Variants in PCDHGA5 observed in about 807,000 individuals in gnomAD.
PCDHGA5 encodes the protein protocadherin gamma-A5.
Under a neutral mutation model 56.7 loss-of-function variants are expected in PCDHGA5, and 36 were observed. That is an observed-to-expected ratio of 0.64 (90% CI 0.49 to 0.84). The LOEUF (loss-of-function observed/expected upper bound fraction) is 0.84, where lower values mean the gene tolerates loss of function less well. Among genes scored for constraint, PCDHGA5 ranks in the 40% least tolerant of loss-of-function variants. The pLI is 0.00. For synonymous variants in PCDHGA5, 563 were observed against 520.2 expected, an observed-to-expected ratio of 1.08 and a Z score of -1.12; for missense variants, 1,305 against 1,201.5, an observed-to-expected ratio of 1.09 and a Z score of -1.27.
intron 1 of PCDHGA5, among the ~76,000 whole-genome samples, chr5:141,405,709 C>T (rs2094708572): frequency 2.0e-5 from 3 of 152,150 alleles, no homozygotes; most frequent in African/African-American, 7.2e-5. Context: ...AATTCCTAAC[C>T]TCAAGTGATC....
chr5:141,430,399 T>C (rs2097282187), intron 1 of PCDHGA5, among the ~76,000 whole-genome samples: 1 of 150,106 alleles, frequency 6.7e-6, no homozygotes, highest in African/African-American at 2.4e-5. Flanking sequence ...AAAAAAAAGC[T>C]CACTAAAGTT....
intron 1 of PCDHGA5, among the ~76,000 whole-genome samples, chr5:141,450,487 G>A (rs1379694010): frequency 1.3e-5 from 2 of 151,938 alleles, no homozygotes; most frequent in African/African-American, 2.4e-5. Context: ...TTGTTTGTTT[G>A]TCTGTTTGTT....
At chr5:141,461,979 A>C (rs1420971777) in intron 1 of PCDHGA5, among the ~76,000 whole-genome samples, 1 of 152,144 alleles carries the variant, frequency 6.6e-6, no homozygotes, top group Non-Finnish European at 1.5e-5. Context: ...ATATGCCACC[A>C]CGCCAGGCTA....
At chr5:141,377,889 C>A (rs914946378) in intron 1 of PCDHGA5, 2 of 152,056 alleles carry the variant, frequency 1.3e-5, no homozygotes, top group Non-Finnish European at 2.9e-5. Flanking sequence ...AGATAGGATC[C>A]CCCTCTGTTG....
rs762574320 is a variant in PCDHGA5, at chr5:141,485,926, G to A, written c.2422-8881G>A. The A allele has an allele frequency of 2.0e-5, 32 of 1,614,090 alleles. No individual in the cohort carries two copies. Among genetic ancestry groups the A allele is most frequent in the Admixed American group, 1.2e-4 (7 of 60,006 alleles). ...AGCAATCCAGCTACAGGATTAGTGT[G>A]TTGGAGAGCGCACCAGCGGGCATGG... On this transcript the variant is annotated intron_variant, in intron 1 of 3. Transcript: ENST00000518069. The surrounding 1 kb of genome is among the most constrained non-coding windows in gnomAD (Gnocchi z 5.7).
chr5:141,489,991 A>G lies in PCDHGA5; in HGVS notation c.2422-4816A>G, dbSNP rs1157441385. On this transcript the variant is annotated intron_variant, in intron 1 of 3. Coordinates refer to ENST00000518069, the MANE Select transcript of PCDHGA5 (RefSeq NM_018918.3). The surrounding 1 kb of genome is among the most constrained non-coding windows in gnomAD (Gnocchi z 4.5). Reference sequence around the variant, plus strand: ...CCAATCCTCAGTTCTACGTGTGGGAATCCCAGAGAATGCACCCATTGGTAC... The same window carrying G: ...CCAATCCTCAGTTCTACGTGTGGGAGTCCCAGAGAATGCACCCATTGGTAC... The G allele has an allele frequency of 6.2e-7, 1 of 1,614,228 alleles. No individual in the cohort carries two copies. Among genetic ancestry groups the G allele is most frequent in the South Asian group, 1.1e-5 (1 of 91,090 alleles).
At position 141,493,906 on chromosome 5, in the gene PCDHGA5, G is replaced by A. The variant is rs2099750764; in HGVS notation, c.2422-901G>A. ...CTCTAGGAGTGCTCCATGAGAGTGT[G>A]TGATGGGATAACACACCCCCTGGAA... is the stretch of plus-strand genomic sequence containing the variant. On this transcript the variant is annotated intron_variant, in intron 1 of 3. Transcript: ENST00000518069. The surrounding 1 kb of genome is among the most constrained non-coding windows in gnomAD (Gnocchi z 4.3). Among the ~76,000 whole-genome samples the A allele has an allele frequency of 6.6e-6, 1 of 152,200 alleles. No individual in the cohort carries two copies. Among genetic ancestry groups the A allele is most frequent in the Non-Finnish European group, 1.5e-5 (1 of 68,032 alleles).
chr5:141,484,002 A>T, intron 1 of PCDHGA5, among the ~76,000 whole-genome samples: 1 of 25,484 alleles, frequency 3.9e-5, no homozygotes, highest in African/African-American at 1.7e-4. Context: ...GGAGGTCTGG[A>T]TGAGGGTGGG....
At chr5:141,483,082 C>T (rs2099576709) in intron 1 of PCDHGA5, among the ~76,000 whole-genome samples, 1 of 151,662 alleles carries the variant, frequency 6.6e-6, no homozygotes, top group African/African-American at 2.4e-5. Flanking sequence ...GAGACTCCAT[C>T]TCAAAAAAAA....
intron 1 of PCDHGA5, chr5:141,400,720 T>G (rs2150871186): frequency 1.5e-6 from 1 of 669,356 alleles, no homozygotes; most frequent in Non-Finnish European, 2.5e-6. Context: ...CCTTATAGAT[T>G]TACAAAGTAG....
At position 141,365,286 on chromosome 5, in the gene PCDHGA5, T is replaced by C. The variant is rs1261897529; in HGVS notation, c.956T>C (p.Val319Ala). The C allele has an allele frequency of 6.2e-7, 1 of 1,613,946 alleles. No individual in the cohort carries two copies. ...GAATCCAGATTCTACCTCATGGAAG[T>C]GGTAGCTCAGGATGGAGGCGCTCTT... ...YEESRFYLME[V>A]VAQDGGALVA... Residue 319 changes from valine (V) to alanine (A), a missense_variant, in exon 1 of 4, where the codon GTG becomes GCG. Physicochemically the swap from Val to Ala is moderately conservative, Grantham distance 64. Transcript: ENST00000518069.
At position 141,364,994 on chromosome 5, in the gene PCDHGA5, C is replaced by T; in HGVS notation, c.664C>T (p.Leu222Phe). 2 of 1,613,924 alleles carry T rather than the reference C, an allele frequency of 1.2e-6. No individual in the cohort carries two copies. The highest frequency in any genetic ancestry group is 1.7e-6 in the Non-Finnish European group (2 of 1,179,894). Residue 222 changes from leucine (L) to phenylalanine (F), a missense_variant, in exon 1 of 4, where the codon CTC (leucine) becomes TTC (phenylalanine). Transcript: ENST00000518069. Reference sequence around the variant, plus strand: ...AGCTTTAGATGGCGGAGACCCGGTACTCTCCGGCACCACGCACATCCGTGT... The same window carrying T: ...AGCTTTAGATGGCGGAGACCCGGTATTCTCCGGCACCACGCACATCCGTGT... ...LTALDGGDPV[L>F]SGTTHIRVTV...
At chr5:141,446,061 AG>A (rs903957950) in intron 1 of PCDHGA5, among the ~76,000 whole-genome samples, 3 of 152,226 alleles carry the variant, frequency 2.0e-5, no homozygotes, top group African/African-American at 7.2e-5. Context: ...CTTGGATTAA[AG>A]GGGAGGCAGT....
rs764390051 is a variant in PCDHGA5 at position 141,365,868 on chromosome 5, T to TC, written c.1540dup (p.Leu514ProfsTer10). ...GTATCCATTAACTCTGACACCGGTG[T>TC]CCTGTATGCTCTGAGATCCTTCGAC... On this transcript the variant is annotated frameshift_variant, in exon 1 of 4. Coordinates refer to ENST00000518069, the MANE Select transcript of PCDHGA5 (RefSeq NM_018918.3). LOFTEE classifies it high-confidence loss of function. 1 of 1,614,024 alleles carries TC rather than the reference T, an allele frequency of 6.2e-7. No homozygotes were observed. Among genetic ancestry groups the TC allele is most frequent in the East Asian group, 2.2e-5 (1 of 44,882 alleles).
chr5:141,469,370 A>T (rs1453825795), intron 1 of PCDHGA5, among the ~76,000 whole-genome samples: 1 of 152,106 alleles, frequency 6.6e-6, no homozygotes, highest in Non-Finnish European at 1.5e-5. Flanking sequence ...AGGTAAAGAG[A>T]TCGAGACCAT....
intron 1 of PCDHGA5, chr5:141,377,128 G>A (rs1175570742): frequency 6.6e-6 from 1 of 152,206 alleles, no homozygotes; most frequent in Admixed American, 6.5e-5. Context: ...TCTTAATTTT[G>A]TGGGGGAAAA....
chr5:141,433,837 C>CAAAAAAAAAAAAAAA (rs56191208), intron 1 of PCDHGA5, among the ~76,000 whole-genome samples: 1 of 111,692 alleles, frequency 9.0e-6, no homozygotes. Flanking sequence ...AACTCTATCT[C>CAAAAAAAAAAAAAAA]AAAAAAAAAA....
intron 1 of PCDHGA5, chr5:141,392,581 C>T: frequency 2.2e-6 from 1 of 463,442 alleles, no homozygotes; most frequent in Non-Finnish European, 3.8e-6. Context: ...GGACTGTAAG[C>T]GCCGCTGTTC....
Position 141,489,358 on chromosome 5 carries a change from G to C in PCDHGA5, c.2422-5449G>C. 1 of 1,613,144 alleles carries C rather than the reference G, an allele frequency of 6.2e-7. No homozygotes were observed. The highest frequency in any genetic ancestry group is 1.7e-4 in the Middle Eastern group (1 of 6,052). On this transcript the variant is annotated intron_variant, in intron 1 of 3. Coordinates refer to ENST00000518069, the MANE Select transcript of PCDHGA5 (RefSeq NM_018918.3). The surrounding 1 kb of genome is among the most constrained non-coding windows in gnomAD (Gnocchi z 4.5). ...TCGTTACTCAGTGGTGGAGGAGTCT[G>C]AGCCGGGGACGCTGGTGGGGAATGT...
Sources: gnomAD v4.1 joint callset for allele counts (sites outside exome capture counted in the v4.1 genomes callset) on GRCh38, gnomAD v4.1.1 for gene constraint, Gnocchi (gnomAD v3.1) non-coding constraint, MANE v1.5 for transcripts, NCBI Gene and HGNC (gene_info 2026-07-23, HGNC 2026-07-21) for gene names.